The following DYNC2I1 variants were observed in gnomAD, a reference collection of about 807,000 sequenced individuals.
DYNC2I1 encodes the protein dynein 2 intermediate chain 1, also known as cytoplasmic dynein 2 intermediate chain 1.
Under a neutral mutation model 133.4 loss-of-function variants are expected in DYNC2I1, and 89 were observed. The ratio of observed to expected loss-of-function variants is 0.67; its 90% CI spans 0.56 to 0.80. The LOEUF (loss-of-function observed/expected upper bound fraction) is 0.80. DYNC2I1 is among the 30% of genes least tolerant of loss of function. The pLI, the probability that DYNC2I1 is intolerant of heterozygous loss-of-function variation, is 0.00. For synonymous variants in DYNC2I1, 504 were observed against 484.3 expected (o/e 1.04, Z -0.54); for missense variants, 1,291 against 1,314.5 (o/e 0.98, Z 0.28).
chr7:158,947,287 C>G (rs996792811), downstream of DYNC2I1, among the ~76,000 whole-genome samples: 1 of 152,168 alleles, frequency 6.6e-6, no homozygotes, highest in Non-Finnish European at 1.5e-5. Context: ...CACGGCCTCT[C>G]GAGTCCACAC....
chr7:158,876,668 G>A lies in DYNC2I1; in HGVS notation c.550G>A (p.Glu184Lys). The A allele has an allele frequency of 6.3e-7, 1 of 1,576,112 alleles. No homozygotes were observed. Among genetic ancestry groups the A allele is most frequent in the Non-Finnish European group, 8.6e-7 (1 of 1,168,426 alleles). ...EDSERGDEDR[E>K]RRYRERKLQY... Reference sequence around the variant, plus strand: ...CTCTGAAAGAGGAGATGAAGATAGAGAAAGAAGATACCGAGAAAGAAAGGT... The same window carrying A: ...CTCTGAAAGAGGAGATGAAGATAGAAAAAGAAGATACCGAGAAAGAAAGGT... Residue 184 changes from glutamate to lysine, a missense_variant, in exon 4 of 25, where the codon GAA becomes AAA. Physicochemically the swap from Glu to Lys is moderately conservative, Grantham distance 56. Coordinates refer to ENST00000407559, the MANE Select transcript of DYNC2I1 (RefSeq NM_018051.5).
At chr7:158,937,486 CGTG>C (rs1165032064) in intron 23 of DYNC2I1, among the ~76,000 whole-genome samples, 2 of 151,984 alleles carry the variant, frequency 1.3e-5, no homozygotes, top group Non-Finnish European at 2.9e-5. Context: ...ATTAGCCTGG[CGTG>C]GTGGCGGGCG....
chr7:158,851,015 G>C, the DYNC2I1 span, among the ~76,000 whole-genome samples: 1 of 151,342 alleles, frequency 6.6e-6, no homozygotes, highest in Admixed American at 6.6e-5. Flanking sequence ...GCAGTCTGCT[G>C]CTCTAGTTAA....
chr7:158,879,245 G>A (rs916834693), intron 4 of DYNC2I1, among the ~76,000 whole-genome samples: 2 of 152,084 alleles, frequency 1.3e-5, no homozygotes, highest in African/African-American at 4.8e-5. Context: ...ATTGAGGAGT[G>A]AAGGGGGCAG....
intron 21 of DYNC2I1, among the ~76,000 whole-genome samples, chr7:158,932,344 G>T (rs1477797276): frequency 6.6e-6 from 1 of 152,186 alleles, no homozygotes; most frequent in Non-Finnish European, 1.5e-5. Context: ...GGCCTTTGAG[G>T]TGGAGTTAGA....
At chr7:158,909,955 C>G (rs557893985) in intron 11 of DYNC2I1, among the ~76,000 whole-genome samples, 2 of 152,048 alleles carry the variant, frequency 1.3e-5, no homozygotes, top group African/African-American at 2.4e-5. Flanking sequence ...GGTGAAGGAT[C>G]GGGGGAGGAG....
chr7:158,937,335 A>G (rs908629301), intron 23 of DYNC2I1, among the ~76,000 whole-genome samples: 3 of 152,236 alleles, frequency 2.0e-5, no homozygotes, highest in Non-Finnish European at 4.4e-5. Flanking sequence ...ATTAGAAAAT[A>G]CACAATCAAT....
At chr7:158,944,514 T>C (rs1331090455) in intron 24 of DYNC2I1, among the ~76,000 whole-genome samples, 1 of 152,198 alleles carries the variant, frequency 6.6e-6, no homozygotes, top group Non-Finnish European at 1.5e-5. Flanking sequence ...CGCAATTGAA[T>C]AGCAGTTTTA....
intron 23 of DYNC2I1, among the ~76,000 whole-genome samples, chr7:158,935,246 C>T (rs187899234): frequency 1.7e-3 from 263 of 152,326 alleles, no homozygotes; most frequent in African/African-American, 6.2e-3. Flanking sequence ...TGTGTGGGTG[C>T]GAGCTGCTTG....
At chr7:158,844,314 T>C in the DYNC2I1 span, among the ~76,000 whole-genome samples, 1 of 152,232 alleles carries the variant, frequency 6.6e-6, no homozygotes, top group African/African-American at 2.4e-5. Flanking sequence ...AATCTCAGTC[T>C]GGTTTACTAA....
chr7:158,902,321 A>T (rs1204200659), intron 9 of DYNC2I1, 55 bp from the exon 10 acceptor site: 1 of 1,459,556 alleles, frequency 6.9e-7, no homozygotes, highest in African/African-American at 1.4e-5. Flanking sequence ...AGTATGAGGG[A>T]TAATTGAAAG....
At chr7:158,843,039 C>T in the DYNC2I1 span, among the ~76,000 whole-genome samples, 3 of 152,214 alleles carry the variant, frequency 2.0e-5, no homozygotes, top group African/African-American at 7.2e-5. Context: ...ATGCAGATTA[C>T]ATAAACAGCT....
intron 4 of DYNC2I1, among the ~76,000 whole-genome samples, chr7:158,955,425 T>G (rs1320094310): frequency 6.6e-6 from 1 of 152,216 alleles, no homozygotes; most frequent in Non-Finnish European, 1.5e-5. Context: ...GCCCCCGATT[T>G]GGAAAAAGGT....
At position 158,934,165 on chromosome 7, in the gene DYNC2I1, A is replaced by G. The variant is rs776175732; in HGVS notation, c.2583A>G (p.Thr861=). 5.0e-6 allele frequency: 8 copies of G among 1,612,712 alleles called. No homozygotes were observed. The Admixed American group carries it at 1.2e-4, about 24-fold the overall frequency. ...SHKGNEFWGT[T]QTLNVKFLPS... ...AAGGTAATGAATTTTGGGGCACTAC[A>G]CAAACACTGAATGTTAAATTTCTGC... The change falls in exon 22 of 25, where the codon ACA becomes ACG. Residue 861 remains threonine (T), a synonymous_variant. Coordinates refer to ENST00000407559, the MANE Select transcript of DYNC2I1 (RefSeq NM_018051.5).
downstream of DYNC2I1, among the ~76,000 whole-genome samples, chr7:158,946,712 G>T (rs1171053111): frequency 1.3e-5 from 2 of 152,236 alleles, no homozygotes; most frequent in African/African-American, 4.8e-5. Flanking sequence ...ACAAAGACAG[G>T]AGAGTTCTGG....
chr7:158,893,214 A>G (rs1845407762), intron 8 of DYNC2I1, among the ~76,000 whole-genome samples: 1 of 152,048 alleles, frequency 6.6e-6, no homozygotes, highest in African/African-American at 2.4e-5. Context: ...ACTGCCCTAA[A>G]ACCCCTGTGC....
downstream of DYNC2I1, among the ~76,000 whole-genome samples, chr7:158,948,065 C>T (rs1438208772): frequency 1.4e-4 from 21 of 152,214 alleles, no homozygotes; most frequent in Non-Finnish European, 3.1e-4. Flanking sequence ...GTGGGCCCCT[C>T]CCAGGTGCAG....
chr7:158,913,984 A>G (rs1847754459), intron 13 of DYNC2I1, among the ~76,000 whole-genome samples: 1 of 152,226 alleles, frequency 6.6e-6, no homozygotes, highest in East Asian at 1.9e-4. Flanking sequence ...TGCTGGGATT[A>G]CAGGCGTGAG....
chr7:158,840,260 T>C, the DYNC2I1 span, among the ~76,000 whole-genome samples: 1 of 151,030 alleles, frequency 6.6e-6, no homozygotes, highest in Non-Finnish European at 1.5e-5. Flanking sequence ...AAAAAAAAAA[T>C]CAGAAATTAA....
Sources: gnomAD v4.1 joint callset for allele counts (sites outside exome capture counted in the v4.1 genomes callset) on GRCh38, gnomAD v4.1.1 for gene constraint, MANE v1.5 for transcripts, NCBI Gene and HGNC (gene_info 2026-07-23, HGNC 2026-07-21) for gene names.